The following RNASEH1 variants were observed in gnomAD, a reference collection of about 807,000 sequenced individuals.
RNASEH1 encodes ribonuclease H1, also known as ribonuclease H type II.
Under a neutral mutation model 34.6 loss-of-function variants are expected in RNASEH1, and 27 were observed. The ratio of observed to expected loss-of-function variants is 0.78; its 90% CI spans 0.58 to 1.08. The LOEUF (loss-of-function observed/expected upper bound fraction) is 1.08. Ranked by LOEUF, RNASEH1 falls within the 50% of genes least tolerant of loss-of-function variation. The pLI is 0.00. For synonymous variants in RNASEH1, 162 were observed against 138.4 expected (o/e 1.17, Z -1.20); for missense variants, 349 against 373.6 (o/e 0.93, Z 0.54).
rs770538053 is a variant in RNASEH1, at chr2:3,548,698, T to C, written c.591A>G (p.Ala197=). 1 of 1,613,230 alleles carries C rather than the reference T, an allele frequency of 6.2e-7. No homozygotes were observed. The highest frequency in any genetic ancestry group is 8.5e-7 in the Non-Finnish European group (1 of 1,179,342). ...CCAGTTTATTGATGTTTTGAGTCTTTGCTTGTTCAATGGCTTTGCAGGCTG... is the reference window on the plus strand; with the variant it reads ...CCAGTTTATTGATGTTTTGAGTCTTCGCTTGTTCAATGGCTTTGCAGGCTG... The part of the protein sequence containing the change: ...IHAACKAIEQ[A]KTQNINKLVL... The change falls in exon 6 of 8, where the codon GCA becomes GCG. Residue 197 remains alanine, a synonymous_variant. Transcript: ENST00000315212.
downstream of RNASEH1, among the ~76,000 whole-genome samples, chr2:3,539,734 A>C (rs1558441430): frequency 6.6e-6 from 1 of 152,306 alleles, no homozygotes; most frequent in East Asian, 1.9e-4. Flanking sequence ...TGAGTGACCT[A>C]TTCCTTCTTG....
rs907116252 is a variant in RNASEH1 at position 3,543,724 on chromosome 2, T to C, written c.*2061A>G. Among the ~76,000 whole-genome samples the C allele has an allele frequency of 1.3e-5, 2 of 151,970 alleles. No homozygotes were observed. Among genetic ancestry groups the C allele is most frequent in the African/African-American group, 4.8e-5 (2 of 41,344 alleles). On this transcript the variant is annotated 3_prime_UTR_variant, in exon 8 of 8. Coordinates refer to ENST00000315212, the MANE Select transcript of RNASEH1 (RefSeq NM_002936.6). ...CTCCTGGGCCCAAGCGATCCTCCCA[T>C]CTCAGCCTCCAGAATAGCTGGGACA...
rs1376089120 is a variant in RNASEH1 at position 3,542,300 on chromosome 2, C to T, written c.*3485G>A. Among the ~76,000 whole-genome samples the T allele has an allele frequency of 6.6e-6, 1 of 152,140 alleles. No homozygotes were observed. Reference sequence around the variant, plus strand: ...CAACACATGACACATTCGAATAAAACGGCCGACTTGACAGAAAAAGGAAAA... The same window carrying T: ...CAACACATGACACATTCGAATAAAATGGCCGACTTGACAGAAAAAGGAAAA... On this transcript the variant is annotated 3_prime_UTR_variant, in exon 8 of 8. Transcript: ENST00000315212.
At chr2:3,532,063 T>C in the RNASEH1 span, 1 of 579,056 alleles carries the variant, frequency 1.7e-6, no homozygotes, top group Non-Finnish European at 3.1e-6. Flanking sequence ...TCAAATCCCC[T>C]TGACAAAGAG....
intron 1 of RNASEH1, chr2:3,557,903 G>A: frequency 6.6e-7 from 1 of 1,512,894 alleles, no homozygotes; most frequent in South Asian, 1.2e-5. Context: ...ACCTTTACGC[G>A]ACGTTTCTGA....
chr2:3,558,039 G>A (rs1020920056), intron 1 of RNASEH1, 94 bp downstream of exon 1: 2 of 1,480,286 alleles, frequency 1.4e-6, no homozygotes, highest in Non-Finnish European at 1.8e-6. Context: ...CACAGACTCG[G>A]ACCGCCAGGC....
At chr2:3,532,153 C>T in the RNASEH1 span, 62 of 659,816 alleles carry the variant, frequency 9.4e-5, 1 homozygote, top group East Asian at 1.5e-3. Context: ...GTGTGTCTTC[C>T]GTGTCAGCTA....
At chr2:3,557,588 G>A (rs1660639665) in intron 1 of RNASEH1, 2 of 336,306 alleles carry the variant, frequency 5.9e-6, no homozygotes, top group Non-Finnish European at 1.2e-5. Flanking sequence ...GAACAGCTGG[G>A]CTCAAGTCCT....
At chr2:3,533,687 C>T in the RNASEH1 span, 1 of 152,284 alleles carries the variant, frequency 6.6e-6, no homozygotes, top group Non-Finnish European at 1.5e-5. Context: ...GACCACATGA[C>T]CCCGCAATCT....
chr2:3,536,526 C>T (rs544723035), downstream of RNASEH1, among the ~76,000 whole-genome samples: 180 of 152,296 alleles, frequency 1.2e-3, no homozygotes, highest in Non-Finnish European at 2.4e-3. Flanking sequence ...TGACTCCTGA[C>T]GTTTCCACTT....
chr2:3,537,881 T>C (rs996151606), downstream of RNASEH1, among the ~76,000 whole-genome samples: 4 of 149,408 alleles, frequency 2.7e-5, no homozygotes, highest in Non-Finnish European at 5.9e-5. Flanking sequence ...CTACTAAAAA[T>C]ACAAAATTAG....
At chr2:3,547,491 T>G (rs1668868995) in intron 7 of RNASEH1, among the ~76,000 whole-genome samples, 1 of 151,926 alleles carries the variant, frequency 6.6e-6, no homozygotes, top group African/African-American at 2.4e-5. Flanking sequence ...ATTTTTTTTT[T>G]TTTTTTGAGA....
intron 4 of RNASEH1, 95 bp from the exon 5 acceptor site, chr2:3,549,207 A>G (rs1669051240): frequency 2.1e-6 from 2 of 953,236 alleles, no homozygotes; most frequent in Admixed American, 3.8e-5. Context: ...GTGTATTCTT[A>G]TTTGAAATAT....
downstream of RNASEH1, among the ~76,000 whole-genome samples, chr2:3,539,136 G>A (rs1668155149): frequency 6.6e-6 from 1 of 151,788 alleles, no homozygotes; most frequent in South Asian, 2.1e-4. Flanking sequence ...TTTTGCTTAT[G>A]GCTCTTCAAA....
chr2:3,546,914 A>G (rs1328981823), intron 7 of RNASEH1, among the ~76,000 whole-genome samples: 1 of 152,220 alleles, frequency 6.6e-6, no homozygotes, highest in Non-Finnish European at 1.5e-5. Flanking sequence ...TTTGAGATCA[A>G]GAGTTCAAGA....
chr2:3,543,262 G>A lies in RNASEH1; in HGVS notation c.*2523C>T, dbSNP rs982175445. Among the ~76,000 whole-genome samples the A allele has an allele frequency of 3.9e-5, 6 of 152,134 alleles. No homozygotes were observed. Among genetic ancestry groups the A allele is most frequent in the African/African-American group, 9.7e-5 (4 of 41,432 alleles). ...TAAATAAATACAGCCTGCACACAAC[G>A]CACAGGAGAACGTTCTGAACCACTT... On this transcript the variant is annotated 3_prime_UTR_variant, in exon 8 of 8. Transcript: ENST00000315212.
chr2:3,555,490 G>C (rs930918431), intron 2 of RNASEH1, among the ~76,000 whole-genome samples: 2 of 152,186 alleles, frequency 1.3e-5, no homozygotes, highest in African/African-American at 4.8e-5. Context: ...ACCCTGCTTT[G>C]CAAACTAACT....
chr2:3,547,939 T>C lies in RNASEH1; in HGVS notation c.766A>G (p.Ile256Val), dbSNP rs780098127. The C allele has an allele frequency of 1.2e-6, 2 of 1,613,918 alleles. No homozygotes were observed. Among genetic ancestry groups the C allele is most frequent in the South Asian group, 2.2e-5 (2 of 91,072 alleles). The change falls in exon 7 of 8, where the codon ATT (isoleucine) becomes GTT (valine). Residue 256 changes from isoleucine to valine, a missense_variant. By Grantham distance (29) the Ile-to-Val change is conservative. This residue lies in a region of RNASEH1 where 93 missense variants were observed against 132.9 expected (regional missense o/e 0.70). Coordinates refer to ENST00000315212, the MANE Select transcript of RNASEH1 (RefSeq NM_002936.6). ...ACATTTAAGATACTCACCCACTGAA[T>C]GTCCATCCCCTGGGTAAGCCTCTCC... ...ALERLTQGMD[I>V]QWMHVPGHSG...
intron 7 of RNASEH1, among the ~76,000 whole-genome samples, chr2:3,546,843 T>A (rs1273088964): frequency 6.6e-6 from 1 of 152,094 alleles, no homozygotes; most frequent in Non-Finnish European, 1.5e-5. Flanking sequence ...CAAAAACATA[T>A]AGGAAGTGAC....
Sources: gnomAD v4.1 joint callset for allele counts (sites outside exome capture counted in the v4.1 genomes callset) on GRCh38, gnomAD v4.1.1 for gene constraint, gnomAD v4.1.1 regional missense constraint, MANE v1.5 for transcripts, NCBI Gene and HGNC (gene_info 2026-07-23, HGNC 2026-07-21) for gene names.